PKP2: variants seen among roughly 807,000 people sequenced by gnomAD.
PKP2 encodes the protein plakophilin-2.
A neutral mutation model predicts 83.4 loss-of-function variants in PKP2; 73 were observed. The observed-to-expected ratio is 0.88, with a 90% CI of 0.72 to 1.06. The LOEUF (loss-of-function observed/expected upper bound fraction) is 1.06, where lower values mean the gene tolerates loss of function less well. Among genes scored for constraint, PKP2 ranks in the 50% least tolerant of loss-of-function variants. The pLI is 0.00. For missense variants in PKP2, 966 were observed against 1,065.4 expected, an observed-to-expected ratio of 0.91 and a Z score of 1.30; for synonymous variants, 409 against 430.4, an observed-to-expected ratio of 0.95 and a Z score of 0.62.
chr12:32,847,588 C>G (rs1956658355), intron 5 of PKP2, among the ~76,000 whole-genome samples: 1 of 152,148 alleles, frequency 6.6e-6, no homozygotes, highest in Admixed American at 6.6e-5. Context: ...AACTACCAGG[C>G]ACCCTAACTC....
intron 4 of PKP2, among the ~76,000 whole-genome samples, chr12:32,857,752 T>G (rs996617575): frequency 5.3e-5 from 8 of 152,142 alleles, no homozygotes; most frequent in African/African-American, 1.9e-4. Flanking sequence ...TCTACCTTTA[T>G]CTCTGAGTGA....
intron 1 of PKP2, among the ~76,000 whole-genome samples, chr12:32,883,464 A>C (rs1338240092): frequency 6.6e-6 from 1 of 152,244 alleles, no homozygotes; most frequent in African/African-American, 2.4e-5. Context: ...CTGTTCAGAG[A>C]ATAAGATGAT....
intron 3 of PKP2, 34 bp downstream of exon 3, chr12:32,877,812 A>C: frequency 6.8e-7 from 1 of 1,465,576 alleles, no homozygotes; most frequent in Non-Finnish European, 9.6e-7. Context: ...ATGTGCTGGC[A>C]ATGACTGAAC....
At chr12:32,831,061 A>C (rs1194909209) in intron 6 of PKP2, among the ~76,000 whole-genome samples, 1 of 152,226 alleles carries the variant, frequency 6.6e-6, no homozygotes, top group Non-Finnish European at 1.5e-5. Context: ...CAGAATCCCA[A>C]ATTCCATTTA....
Position 32,821,522 on chromosome 12 carries a change from T to C in PKP2, c.1847A>G (p.Gln616Arg), listed in dbSNP as rs752092708. 2 of 1,614,014 alleles carry C rather than the reference T, an allele frequency of 1.2e-6. No individual in the cohort carries two copies. The highest frequency in any genetic ancestry group is 2.2e-5 in the South Asian group (2 of 91,080). Residue 616 changes from glutamine to arginine, a missense_variant, in exon 9 of 13, where the codon CAG becomes CGG. Physicochemically the swap from Gln to Arg is conservative, Grantham distance 43 (BLOSUM62 1). Coordinates refer to ENST00000340811, the MANE Select transcript of PKP2 (RefSeq NM_001005242.3). ...CTTTTCCTCCGGCATCGGCACGTCC[T>C]GGTATTGCTGACCACACACAAAAGG... The part of the protein sequence containing the change: ...SRSRKVKEQY[Q>R]DVPMPEEKSN...
At chr12:32,867,891 A>C (rs145869449) in intron 4 of PKP2, among the ~76,000 whole-genome samples, 8 of 152,340 alleles carry the variant, frequency 5.3e-5, no homozygotes, top group Non-Finnish European at 1.2e-4. Flanking sequence ...TCCCTCACAA[A>C]TGTATCACTT....
At position 32,831,388 on chromosome 12, in the gene PKP2, A is replaced by G. The variant is rs78374222; in HGVS notation, c.1557-7226T>C. ...TGATGATAGTCTTAAATTTTTTGGA[A>G]TAAGACCTTGTGTCACAAAATACAG... On this transcript the variant is annotated intron_variant, in intron 6 of 12. Coordinates refer to ENST00000340811, the MANE Select transcript of PKP2 (RefSeq NM_001005242.3). Among the ~76,000 whole-genome samples the G allele has an allele frequency of 2.5e-3, 374 of 152,356 alleles. 3 individuals carry two copies. Among genetic ancestry groups the G allele is most frequent in the African/African-American group, 8.7e-3 (362 of 41,588 alleles).
intron 1 of PKP2, among the ~76,000 whole-genome samples, chr12:32,884,411 G>A (rs531152584): frequency 3.9e-5 from 6 of 152,174 alleles, no homozygotes; most frequent in East Asian, 3.9e-4. Context: ...TCAAGATCAC[G>A]CCATTGCACT....
chr12:32,846,577 C>A (rs1956646450), intron 5 of PKP2, among the ~76,000 whole-genome samples: 1 of 151,886 alleles, frequency 6.6e-6, no homozygotes. Flanking sequence ...AAACCTCCAT[C>A]TCTACTAAAA....
rs575581201 is a variant in PKP2, at chr12:32,869,763, T to C, written c.1035-701A>G. On this transcript the variant is annotated intron_variant, in intron 3 of 12. Transcript: ENST00000340811. ...GGCTGGGCACGGTGGCTCACATCTG[T>C]AATCCCAGCACTTTGCGAGGGCAAG... Among the ~76,000 whole-genome samples, 199 of 152,318 alleles carry C rather than the reference T, an allele frequency of 1.3e-3. 1 individual carries two copies. Among genetic ancestry groups the C allele is most frequent in the African/African-American group, 4.6e-3 (191 of 41,576 alleles).
At chr12:32,870,338 T>C (rs1415736368) in intron 3 of PKP2, among the ~76,000 whole-genome samples, 1 of 152,030 alleles carries the variant, frequency 6.6e-6, no homozygotes, top group African/African-American at 2.4e-5. Flanking sequence ...TAAGGAGTAA[T>C]GCGCCTCATG....
At chr12:32,846,299 C>T (rs1040249383) in intron 5 of PKP2, among the ~76,000 whole-genome samples, 9 of 152,108 alleles carry the variant, frequency 5.9e-5, no homozygotes, top group African/African-American at 1.9e-4. Context: ...CACTACCACG[C>T]TCACTTAGTA....
At chr12:32,847,542 A>T (rs1251597855) in intron 5 of PKP2, among the ~76,000 whole-genome samples, 1 of 152,126 alleles carries the variant, frequency 6.6e-6, no homozygotes, top group East Asian at 1.9e-4. Flanking sequence ...ACACACACAC[A>T]CGCACGCAAG....
chr12:32,862,580 G>A (rs1956809780), intron 4 of PKP2, among the ~76,000 whole-genome samples: 1 of 152,132 alleles, frequency 6.6e-6, no homozygotes, highest in South Asian at 2.1e-4. Flanking sequence ...AGGAGGTGGA[G>A]GTTGCAGTGA....
chr12:32,880,235 C>T (rs961129748), intron 1 of PKP2, among the ~76,000 whole-genome samples: 1 of 151,480 alleles, frequency 6.6e-6, no homozygotes, highest in African/African-American at 2.4e-5. Context: ...ACCGGTCTCT[C>T]CTAAAAATAC....
At chr12:32,836,952 T>C (rs915058672) in intron 6 of PKP2, among the ~76,000 whole-genome samples, 2 of 152,196 alleles carry the variant, frequency 1.3e-5, no homozygotes, top group African/African-American at 2.4e-5. Context: ...TTTCTATTCA[T>C]TGTGACAACA....
rs554668356 is a variant in PKP2, at chr12:32,876,642, G to A, written c.1034+1204C>T. Among the ~76,000 whole-genome samples, 28 of 151,948 alleles carry A rather than the reference G, an allele frequency of 1.8e-4. No individual in the cohort carries two copies. The South Asian group carries it at 5.8e-3, about 32-fold the overall frequency. On this transcript the variant is annotated intron_variant, in intron 3 of 12. Transcript: ENST00000340811. Reference sequence around the variant, plus strand: ...TCTCCTGGGCTCAAGTAATCCTCCCGCCTCAGCCTCTCGAGTAGTTAGGAC... The same window carrying A: ...TCTCCTGGGCTCAAGTAATCCTCCCACCTCAGCCTCTCGAGTAGTTAGGAC...
At chr12:32,817,579 T>C (rs964478039) in intron 9 of PKP2, among the ~76,000 whole-genome samples, 1 of 152,238 alleles carries the variant, frequency 6.6e-6, no homozygotes, top group African/African-American at 2.4e-5. Flanking sequence ...TGTCTTAACA[T>C]GTCTTTTGAT....
chr12:32,850,782 A>C lies in PKP2; in HGVS notation c.1362T>G (p.Thr454=). The C allele has an allele frequency of 6.2e-7, 1 of 1,612,388 alleles. No individual in the cohort carries two copies. The highest frequency in any genetic ancestry group is 1.1e-5 in the South Asian group (1 of 91,010). ...QVLKQTRDLE[T]KKQITGLLWN... is the part of the protein sequence containing the mutation. Reference sequence around the variant, plus strand: ...AAGCACTACCTGTTATTTGTTTTTTAGTCTCCAAGTCTCTGGTTTGCTTCA... The same window carrying C: ...AAGCACTACCTGTTATTTGTTTTTTCGTCTCCAAGTCTCTGGTTTGCTTCA... The change falls in exon 5 of 13, where the codon ACT becomes ACG. Residue 454 remains threonine (T), a synonymous_variant. Transcript: ENST00000340811.
Sources: gnomAD v4.1 joint callset for allele counts (sites outside exome capture counted in the v4.1 genomes callset) on GRCh38, gnomAD v4.1.1 for gene constraint, MANE v1.5 for transcripts, NCBI Gene and HGNC (gene_info 2026-07-23, HGNC 2026-07-21) for gene names.